The following POLB variants were observed in gnomAD, a reference collection of about 807,000 sequenced individuals.
The protein encoded by POLB is 5'-dRP lyase.
In POLB, 37 loss-of-function variants were observed where a neutral mutation model predicts 52.7. The ratio of observed to expected loss-of-function variants is 0.70; its 90% CI spans 0.54 to 0.92. The LOEUF (loss-of-function observed/expected upper bound fraction) is 0.92. Among genes scored for constraint, POLB ranks in the 40% least tolerant of loss-of-function variants. The pLI is 0.00. For synonymous variants in POLB, 138 were observed against 131.3 expected (o/e 1.05, Z -0.35); for missense variants, 313 against 400.8 (o/e 0.78, Z 1.87).
chr8:42,366,363 A>G (rs1824037432), intron 11 of POLB, among the ~76,000 whole-genome samples: 1 of 152,248 alleles, frequency 6.6e-6, no homozygotes, highest in Non-Finnish European at 1.5e-5. Flanking sequence ...TATTTCCAGA[A>G]GAAAACAGGC....
In POLB at chr8:42,352,557, A is replaced by G; in HGVS notation, c.359A>G (p.Lys120Arg). 1 of 1,588,538 alleles carries G rather than the reference A, an allele frequency of 6.3e-7. No homozygotes were observed. The highest frequency in any genetic ancestry group is 8.6e-7 in the Non-Finnish European group (1 of 1,156,732). The change falls in exon 6 of 14, where the codon AAA (lysine) becomes AGA (arginine). Residue 120 changes from lysine to arginine, a missense_variant. Around this residue, in one of 3 missense-constraint regions of POLB, gnomAD observed 246 missense variants for 297.6 expected, o/e 0.83. Coordinates refer to ENST00000265421, the MANE Select transcript of POLB (RefSeq NM_002690.3). ...AGGAAGTTTGTAGATGAAGGAATTA[A>G]AACACTAGAAGGTGAGTATGACTGT... ...AARKFVDEGIKTLEDLRKNED... is the reference protein window; with the variant it reads ...AARKFVDEGIRTLEDLRKNED...
At chr8:42,344,037 A>G (rs1379945906) in intron 2 of POLB, among the ~76,000 whole-genome samples, 1 of 146,934 alleles carries the variant, frequency 6.8e-6, no homozygotes, top group Non-Finnish European at 1.5e-5. Context: ...AGGCTGAGGT[A>G]GGAGGATTGC....
intron 10 of POLB, among the ~76,000 whole-genome samples, chr8:42,362,408 TC>T (rs1201360472): frequency 6.6e-6 from 1 of 152,118 alleles, no homozygotes; most frequent in Admixed American, 6.5e-5. Flanking sequence ...ATGATGTTGT[TC>T]CTGGTACTCT....
At chr8:42,345,100 C>A in intron 3 of POLB, 81 bp downstream of exon 3, 1 of 834,140 alleles carries the variant, frequency 1.2e-6, no homozygotes, top group Non-Finnish European at 2.1e-6. Context: ...ACTTGCCTGT[C>A]TGAAGCAGCC....
chr8:42,355,874 A>G (rs56380527), intron 7 of POLB, among the ~76,000 whole-genome samples: 178 of 152,310 alleles, frequency 1.2e-3, no homozygotes, highest in African/African-American at 4.0e-3. Context: ...TCATGCTCAC[A>G]TTGTACAAAG....
At position 42,355,346 on chromosome 8, in the gene POLB, T is replaced by C. The variant is rs1003172645; in HGVS notation, c.371-170T>C. ...AGCCACCACGCCTGGCCCTGAAGAG[T>C]CACTTTTATCTAGCTCTTCATATCT... On this transcript the variant is annotated intron_variant, in intron 6 of 13. Transcript: ENST00000265421. The C allele has an allele frequency of 5.6e-6, 3 of 540,376 alleles. No individual in the cohort carries two copies. The East Asian group carries it at 8.9e-5, about 16-fold the overall frequency. The allele number at this position is 540,376 out of a possible 1,614,324, so 33.5% of individuals were successfully genotyped here. A position where few individuals can be genotyped will look rare whatever the true frequency, so the allele number is the denominator to read the frequency against.
At chr8:42,358,645 C>T (rs1005926718) in intron 9 of POLB, among the ~76,000 whole-genome samples, 2 of 152,122 alleles carry the variant, frequency 1.3e-5, no homozygotes, top group Non-Finnish European at 1.5e-5. Context: ...TAGGTGATGG[C>T]CTATCAGGAA....
chr8:42,353,422 A>G (rs1823107877), intron 6 of POLB, among the ~76,000 whole-genome samples: 1 of 151,964 alleles, frequency 6.6e-6, no homozygotes, highest in Admixed American at 6.6e-5. Flanking sequence ...TTATTTCTTT[A>G]ATAAAATTTT....
Position 42,355,554 on chromosome 8 carries a change from C to T in POLB, c.409C>T (p.Arg137Ter), listed in dbSNP as rs1381277651. The T allele has an allele frequency of 1.2e-5, 19 of 1,592,446 alleles. No individual in the cohort carries two copies. Among genetic ancestry groups the T allele is most frequent in the Non-Finnish European group, 1.5e-5 (18 of 1,161,320 alleles). Residue 137 changes from arginine to a stop codon, truncating the protein, a stop_gained, in exon 7 of 14, where the codon CGA becomes TGA. Transcript: ENST00000265421. LOFTEE classifies it high-confidence loss of function. ...KNEDKLNHHQ[R>*]IGLKYFGDFE... ...TGAAGATAAATTGAACCATCATCAG[C>T]GAATTGGGCTGAAGTAAGATGGCAG...
chr8:42,369,371 T>G, intron 12 of POLB, 36 bp downstream of exon 12: 2 of 1,268,824 alleles, frequency 1.6e-6, no homozygotes, highest in Non-Finnish European at 2.3e-6. Context: ...CTGTTAACTT[T>G]TCCAAACTTG....
At chr8:42,352,617 G>A in intron 6 of POLB, 49 bp downstream of exon 6, 1 of 1,084,446 alleles carries the variant, frequency 9.2e-7, no homozygotes, top group Non-Finnish European at 1.4e-6. Context: ...TGGTCCTGAA[G>A]GACCATTAGT....
rs1029226558 is a variant in POLB at position 42,369,444 on chromosome 8, A to G, written c.773+109A>G. On this transcript the variant is annotated intron_variant, in intron 12 of 13. Coordinates refer to ENST00000265421, the MANE Select transcript of POLB (RefSeq NM_002690.3). ...ACATTCATATCTAGAGCCTTTTTTTACTCCCAAGAGCCATATGTTCTTGCC... is the reference window on the plus strand; with the variant it reads ...ACATTCATATCTAGAGCCTTTTTTTGCTCCCAAGAGCCATATGTTCTTGCC... 1.4e-5 allele frequency: 9 copies of G among 641,636 alleles called. No homozygotes were observed. The Admixed American group carries it at 2.5e-4, about 18-fold the overall frequency. The allele number at this position is 641,636 out of a possible 1,614,324, so 39.7% of individuals were successfully genotyped here.
intron 1 of POLB, 150 bp from the exon 2 acceptor site, chr8:42,338,862 C>A: frequency 1.1e-6 from 1 of 913,214 alleles, no homozygotes; most frequent in Non-Finnish European, 1.8e-6. Context: ...CCGGCTACAC[C>A]TGGGCCATCG....
In POLB at chr8:42,338,649, G is replaced by A; in HGVS notation, c.25G>A (p.Glu9Lys). 1 of 1,614,226 alleles carries A rather than the reference G, an allele frequency of 6.2e-7. No individual in the cohort carries two copies. The highest frequency in any genetic ancestry group is 8.5e-7 in the Non-Finnish European group (1 of 1,180,028). MSKRKAPQ[E>K]TLNGGITDML... is the part of the protein sequence containing the mutation. ...CATGAGCAAACGGAAGGCGCCGCAG[G>A]AGACTCTCAACGGGGGAATCACCGA... Residue 9 changes from glutamate to lysine, a missense_variant, in exon 1 of 14, where the codon GAG becomes AAG. Physicochemically the swap from Glu to Lys is moderately conservative, Grantham distance 56. Transcript: ENST00000265421.
intron 11 of POLB, among the ~76,000 whole-genome samples, chr8:42,367,578 A>G (rs896714566): frequency 1.3e-5 from 2 of 152,206 alleles, no homozygotes; most frequent in Non-Finnish European, 2.9e-5. Flanking sequence ...TTCTCATTCC[A>G]TATCCCCTTT....
chr8:42,366,800 C>G (rs1372634370), intron 11 of POLB, among the ~76,000 whole-genome samples: 1 of 152,040 alleles, frequency 6.6e-6, no homozygotes, highest in African/African-American at 2.4e-5. Context: ...TGATATTTGC[C>G]CTACGTCAGA....
chr8:42,360,122 A>ATTTT (rs35244690), intron 9 of POLB, among the ~76,000 whole-genome samples: 2 of 145,634 alleles, frequency 1.4e-5, no homozygotes, highest in African/African-American at 5.0e-5. Flanking sequence ...TAATTTTTGT[A>ATTTT]TTTTTTTTTT....
intron 7 of POLB, 81 bp downstream of exon 7, chr8:42,355,648 T>C (rs1823266282): frequency 1.2e-6 from 1 of 807,314 alleles, no homozygotes; most frequent in African/African-American, 1.7e-5. Flanking sequence ...CCAGAAGGAC[T>C]CTTCAAACTT....
At chr8:42,359,521 A>ATTTTTT in intron 9 of POLB, among the ~76,000 whole-genome samples, 1 of 110,534 alleles carries the variant, frequency 9.0e-6, no homozygotes, top group Non-Finnish European at 1.8e-5. Flanking sequence ...CACCCGGCTA[A>ATTTTTT]TTTTTTTTTT....
Sources: gnomAD v4.1 joint callset for allele counts (sites outside exome capture counted in the v4.1 genomes callset) on GRCh38, gnomAD v4.1.1 for gene constraint, gnomAD v4.1.1 regional missense constraint, MANE v1.5 for transcripts, NCBI Gene and HGNC (gene_info 2026-07-23, HGNC 2026-07-21) for gene names.